The following ARID5B variants were observed in gnomAD, a reference collection of about 807,000 sequenced individuals.
ARID5B encodes the protein AT-rich interactive domain-containing protein 5B.
A neutral mutation model predicts 97.2 loss-of-function variants in ARID5B; 13 were observed. The ratio of observed to expected loss-of-function variants is 0.13; its 90% CI spans 0.09 to 0.21. The LOEUF is 0.21. ARID5B is among the 10% of genes least tolerant of loss of function. The pLI is 1.00. For missense variants in ARID5B, 1,210 were observed against 1,465.3 expected (o/e 0.83, Z 2.84); for synonymous variants, 556 against 570.3 (o/e 0.97, Z 0.36).
chr10:61,996,027 T>G (rs1375612781), intron 3 of ARID5B, among the ~76,000 whole-genome samples: 1 of 152,192 alleles, frequency 6.6e-6, no homozygotes, highest in Non-Finnish European at 1.5e-5. Context: ...GCCCCAGCTG[T>G]GCCTGTAGCC....
chr10:62,016,468 G>T (rs1209565014), intron 4 of ARID5B, among the ~76,000 whole-genome samples: 1 of 152,208 alleles, frequency 6.6e-6, no homozygotes, highest in African/African-American at 2.4e-5. Flanking sequence ...CAATTCTGGA[G>T]ATATTGAAAT....
chr10:61,988,347 G>A (rs1182245101), intron 3 of ARID5B, among the ~76,000 whole-genome samples: 7 of 152,228 alleles, frequency 4.6e-5, no homozygotes, highest in Non-Finnish European at 1.0e-4. Context: ...TGTGGACATG[G>A]CACCAAGTGA....
At chr10:61,972,362 G>A (rs1838641275) in intron 3 of ARID5B, among the ~76,000 whole-genome samples, 1 of 151,642 alleles carries the variant, frequency 6.6e-6, no homozygotes, top group African/African-American at 2.4e-5. Flanking sequence ...TGAGTAGCTG[G>A]GATTGCAGGT....
chr10:61,990,464 T>G (rs999776802), intron 3 of ARID5B, among the ~76,000 whole-genome samples: 3 of 152,254 alleles, frequency 2.0e-5, no homozygotes, highest in Non-Finnish European at 4.4e-5. Flanking sequence ...GGAAGTGTCA[T>G]TGGTTCAGAG....
intron 5 of ARID5B, among the ~76,000 whole-genome samples, chr10:62,054,722 A>T (rs984046926): frequency 1.3e-5 from 2 of 152,182 alleles, no homozygotes; most frequent in African/African-American, 4.8e-5. Flanking sequence ...TTCTGACCTA[A>T]TAATATAGGT....
At chr10:61,977,702 G>A (rs1192726851) in intron 3 of ARID5B, among the ~76,000 whole-genome samples, 1 of 152,150 alleles carries the variant, frequency 6.6e-6, no homozygotes, top group Non-Finnish European at 1.5e-5. Flanking sequence ...TTTTGATGGG[G>A]TTGTTTGTTT....
intron 5 of ARID5B, among the ~76,000 whole-genome samples, chr10:62,053,521 A>G (rs981489695): frequency 6.6e-6 from 1 of 152,222 alleles, no homozygotes; most frequent in African/African-American, 2.4e-5. Context: ...TTCTTTGAAG[A>G]TCTCATGACT....
intron 4 of ARID5B, among the ~76,000 whole-genome samples, chr10:62,045,457 T>C (rs1379327970): frequency 6.6e-6 from 1 of 151,850 alleles, no homozygotes; most frequent in African/African-American, 2.4e-5. Flanking sequence ...ATTTTTTTTT[T>C]TTTTTTTTAG....
At chr10:62,075,862 C>T (rs993968945) in intron 8 of ARID5B, among the ~76,000 whole-genome samples, 3 of 152,242 alleles carry the variant, frequency 2.0e-5, no homozygotes, top group Non-Finnish European at 2.9e-5. Flanking sequence ...TGGCCTGTTG[C>T]ATTTTCTTGG....
At chr10:62,070,733 G>A (rs1840052685) in intron 8 of ARID5B, among the ~76,000 whole-genome samples, 1 of 152,112 alleles carries the variant, frequency 6.6e-6, no homozygotes, top group Non-Finnish European at 1.5e-5. Context: ...TATTCCCAAA[G>A]GATTGCCTTA....
intron 8 of ARID5B, among the ~76,000 whole-genome samples, chr10:62,076,940 G>A (rs551552339): frequency 5.9e-5 from 9 of 152,040 alleles, no homozygotes; most frequent in Non-Finnish European, 1.2e-4. Flanking sequence ...TCTGCAACAC[G>A]GCCACCCTGC....
chr10:61,980,056 G>A (rs1312755210), intron 3 of ARID5B, among the ~76,000 whole-genome samples: 1 of 151,884 alleles, frequency 6.6e-6, no homozygotes, highest in Non-Finnish European at 1.5e-5. Context: ...TCATGCCATT[G>A]CATTCCAGCA....
rs10689655 is a variant in ARID5B at position 62,000,831 on chromosome 10, TGATAGATAGATA to T, written c.733+542_733+553del. The stretch of plus-strand genomic sequence containing the variant: ...TACAGTAGATAGACACGTAGAGAGA[TGATAGATAGATA>T]GATAGATAGATAGATAGATAGATAG... On this transcript the variant is annotated intron_variant, in intron 4 of 9. Coordinates refer to ENST00000279873, the MANE Select transcript of ARID5B (RefSeq NM_032199.3). The surrounding 1 kb of genome is among the most constrained non-coding windows in gnomAD (Gnocchi z 4.4). 1.5e-3 allele frequency among the ~76,000 whole-genome samples: 223 copies of T among 148,622 alleles called. 3 individuals are homozygous for T. Among genetic ancestry groups the T allele is most frequent in the African/African-American group, 4.7e-3 (190 of 40,130 alleles).
Position 61,944,480 on chromosome 10 carries a change from A to G in ARID5B, c.502+4072A>G, listed in dbSNP as rs551747630. ...ATAAACACTATCAGTTAAACATAGC[A>G]AACTTGCATTTTTTTATTCCTTGGG... On this transcript the variant is annotated intron_variant, in intron 3 of 9. Transcript: ENST00000279873. 7.9e-5 allele frequency among the ~76,000 whole-genome samples: 12 copies of G among 152,350 alleles called. No homozygotes were observed. The South Asian group carries it at 2.5e-3, about 32-fold the overall frequency.
chr10:62,090,429 G>A (rs1840352659), intron 9 of ARID5B, among the ~76,000 whole-genome samples: 1 of 152,160 alleles, frequency 6.6e-6, no homozygotes, highest in South Asian at 2.1e-4. Flanking sequence ...TCGTTAACAT[G>A]GGGTTGGTTG....
chr10:62,047,300 T>C (rs1003266687), intron 4 of ARID5B, among the ~76,000 whole-genome samples: 5 of 152,210 alleles, frequency 3.3e-5, no homozygotes, highest in African/African-American at 1.2e-4. Context: ...TTAGCTACTA[T>C]TATTATTCAC....
chr10:62,031,510 C>G (rs535897030), intron 4 of ARID5B, among the ~76,000 whole-genome samples: 2 of 152,334 alleles, frequency 1.3e-5, no homozygotes, highest in East Asian at 3.9e-4. Flanking sequence ...ACTGAGACCA[C>G]TTGGTAAAGA....
rs564132045 is a variant in ARID5B at position 61,945,240 on chromosome 10, G to T, written c.502+4832G>T. Among the ~76,000 whole-genome samples, 7 of 152,018 alleles carry T rather than the reference G, an allele frequency of 4.6e-5. No homozygotes were observed. In the South Asian group the frequency reaches 1.5e-3, roughly 32 times the overall value. Reference sequence around the variant, plus strand: ...TGGAACAATCCTTCCTTCCTTTCTAGACTTAAATTTTATGTGTATATATTT... The same window carrying T: ...TGGAACAATCCTTCCTTCCTTTCTATACTTAAATTTTATGTGTATATATTT... On this transcript the variant is annotated intron_variant, in intron 3 of 9. Transcript: ENST00000279873.
intron 4 of ARID5B, among the ~76,000 whole-genome samples, chr10:62,015,203 C>G (rs1839268132): frequency 6.6e-6 from 1 of 152,182 alleles, no homozygotes; most frequent in Non-Finnish European, 1.5e-5. Context: ...CAGCGAAAGG[C>G]TTATTGAAGC....
Sources: gnomAD v4.1 joint callset for allele counts (sites outside exome capture counted in the v4.1 genomes callset) on GRCh38, gnomAD v4.1.1 for gene constraint, Gnocchi (gnomAD v3.1) non-coding constraint, MANE v1.5 for transcripts, NCBI Gene and HGNC (gene_info 2026-07-23, HGNC 2026-07-21) for gene names.